PLAA: variants seen among roughly 807,000 people sequenced by gnomAD.
PLAA encodes the protein phospholipase A2 activating protein.
PLAA carries 48 observed loss-of-function variants against 84.1 expected under a neutral mutation model. The ratio of observed to expected loss-of-function variants is 0.57; its 90% confidence interval spans 0.45 to 0.73. The LOEUF (loss-of-function observed/expected upper bound fraction) is 0.73. Ranked by LOEUF, PLAA falls within the 30% of genes least tolerant of loss-of-function variation. The probability of loss-of-function intolerance (pLI) is 0.00; values close to 1 mark genes in which losing one functional copy is unlikely to be tolerated. For synonymous variants in PLAA, 392 were observed against 336.6 expected (o/e 1.16, Z -1.80); for missense variants, 903 against 954.7 (o/e 0.95, Z 0.71).
Position 26,905,372 on chromosome 9 carries a change from C to A in PLAA, c.*139G>T. 3.0e-6 allele frequency: 2 copies of A among 667,246 alleles called. No individual in the cohort carries two copies. The highest frequency in any genetic ancestry group is 5.0e-6 in the Non-Finnish European group (2 of 403,010). The allele number at this position is 667,246 out of a possible 1,614,324, so 41.3% of individuals were successfully genotyped here. On this transcript the variant is annotated 3_prime_UTR_variant, in exon 14 of 14. Coordinates refer to ENST00000397292, the MANE Select transcript of PLAA (RefSeq NM_001031689.3). Reference sequence around the variant, plus strand: ...AGTGCAAAAATTTTATTTCTGTTTCCCCTCCCCACCACTTTACAAGATGTA... The same window carrying A: ...AGTGCAAAAATTTTATTTCTGTTTCACCTCCCCACCACTTTACAAGATGTA...
chr9:26,928,816 A>G (rs1052690943), intron 2 of PLAA, among the ~76,000 whole-genome samples: 4 of 152,264 alleles, frequency 2.6e-5, no homozygotes, highest in Admixed American at 2.0e-4. Context: ...TAAAACCTGC[A>G]GCCAAGCTCA....
intron 1 of PLAA, among the ~76,000 whole-genome samples, chr9:26,943,919 A>ATTCC (rs1473190385): frequency 6.6e-6 from 1 of 152,230 alleles, no homozygotes; most frequent in Non-Finnish European, 1.5e-5. Context: ...ATGCCATTGC[A>ATTCC]TTCCAGCCTG....
In PLAA at chr9:26,910,189, T is replaced by C; in HGVS notation, c.1657+149A>G. 1.2e-5 allele frequency: 7 copies of C among 564,268 alleles called. No homozygotes were observed. The South Asian group carries it at 1.6e-4, about 13-fold the overall frequency. 35.0% of individuals were successfully genotyped at this position (564,268 alleles called of 1,614,324 possible). On this transcript the variant is annotated intron_variant, in intron 12 of 13. Transcript: ENST00000397292. ...ATGGATCCTTTACCAGACTGTATAT[T>C]TGTGGTGGACACAGTTGTTTAATAC...
chr9:26,947,019 C>T lies in PLAA; in HGVS notation c.27G>A (p.Arg9=). MTSGATRY[R]LSCSLRGHEL... is the part of the protein sequence containing the mutation. ...CGTGGCCCCGGAGCGAGCAGCTCAG[C>T]CGGTACCTGGTTGCGCCGCTCGTCA... Residue 9 remains arginine (R), a synonymous_variant, in exon 1 of 14, where the codon CGG becomes CGA. Transcript: ENST00000397292. 3 of 1,590,772 alleles carry T rather than the reference C, an allele frequency of 1.9e-6. No individual in the cohort carries two copies. Among genetic ancestry groups the T allele is most frequent in the Non-Finnish European group, 2.6e-6 (3 of 1,169,376 alleles).
intron 1 of PLAA, among the ~76,000 whole-genome samples, chr9:26,946,432 A>C (rs1325154356): frequency 6.6e-6 from 1 of 151,986 alleles, no homozygotes. Flanking sequence ...CTGGACGAAA[A>C]GAGGATTCAC....
rs1825052275 is a variant in PLAA, at chr9:26,928,403, T to C, written c.349A>G (p.Ser117Gly). 1.3e-6 allele frequency: 2 copies of C among 1,597,492 alleles called. No individual in the cohort carries two copies. Among genetic ancestry groups the C allele is most frequent in the South Asian group, 2.2e-5 (2 of 90,740 alleles). Residue 117 changes from serine (S) to glycine (G), a missense_variant, in exon 3 of 14, where the codon AGT (serine) becomes GGT (glycine). Coordinates refer to ENST00000397292, the MANE Select transcript of PLAA (RefSeq NM_001031689.3). The part of the protein sequence containing the change: ...ILKGHKNTVC[S>G]LSSGKFGTLL... ...GTCCCAAATTTTCCAGATGATAGAC[T>C]ACAAACTAAGGAAAAAACATCATTG...
chr9:26,924,223 C>A (rs999369015), intron 6 of PLAA, among the ~76,000 whole-genome samples: 2 of 152,094 alleles, frequency 1.3e-5, no homozygotes, highest in African/African-American at 4.8e-5. Context: ...CTCAAATTCC[C>A]GGGCCCAAGC....
Position 26,917,095 on chromosome 9 carries a change from A to G in PLAA, c.1486+2T>C, listed in dbSNP as rs2131375842. 2.5e-6 allele frequency: 4 copies of G among 1,612,660 alleles called. No homozygotes were observed. Among genetic ancestry groups the G allele is most frequent in the Non-Finnish European group, 3.4e-6 (4 of 1,178,786 alleles). On this transcript the variant is annotated splice_donor_variant, in intron 10 of 13. Coordinates refer to ENST00000397292, the MANE Select transcript of PLAA (RefSeq NM_001031689.3). LOFTEE classifies it high-confidence loss of function. ...GATACATGAATCAAAACTACATCCC[A>G]CCTGTAAAAGGATCTGCTGTGGGTA... is the stretch of plus-strand genomic sequence containing the variant.
At chr9:26,925,564 G>C (rs1205025477) in intron 6 of PLAA, among the ~76,000 whole-genome samples, 1 of 152,092 alleles carries the variant, frequency 6.6e-6, no homozygotes, top group Non-Finnish European at 1.5e-5. Flanking sequence ...TTCTTTTGTA[G>C]TCAATATCTT....
intron 2 of PLAA, 36 bp downstream of exon 2, chr9:26,934,977 T>G (rs181293711): frequency 1.3e-5 from 19 of 1,419,840 alleles, no homozygotes; most frequent in Non-Finnish European, 1.7e-5. Flanking sequence ...GGATAAAACT[T>G]CAAATAGAAA....
At chr9:26,930,175 G>A (rs1462570822) in intron 2 of PLAA, among the ~76,000 whole-genome samples, 1 of 151,128 alleles carries the variant, frequency 6.6e-6, no homozygotes, top group Non-Finnish European at 1.5e-5. Context: ...TGTGATCTCG[G>A]CTCACCGCAA....
rs1824174608 is a variant in PLAA at position 26,904,706 on chromosome 9, T to A, written c.*805A>T. On this transcript the variant is annotated 3_prime_UTR_variant, in exon 14 of 14. Transcript: ENST00000397292. ...TTTCAAATAATACAGTTTGATGTACTCTTGCTTATGTAACCACCTGATAAA... is the reference window on the plus strand; with the variant it reads ...TTTCAAATAATACAGTTTGATGTACACTTGCTTATGTAACCACCTGATAAA... 1 of 152,226 alleles carries A rather than the reference T, an allele frequency of 6.6e-6. No homozygotes were observed. The highest frequency in any genetic ancestry group is 1.5e-5 in the Non-Finnish European group (1 of 68,020). 9.4% of individuals were successfully genotyped at this position (152,226 alleles called of 1,614,324 possible). A position where few individuals can be genotyped will look rare whatever the true frequency, so the allele number is the denominator to read the frequency against.
At chr9:26,946,793 T>TG (rs2131441235) in intron 1 of PLAA, 104 bp downstream of exon 1, 3 of 1,300,426 alleles carry the variant, frequency 2.3e-6, no homozygotes, top group Non-Finnish European at 3.1e-6. Context: ...GAGGGAAGGC[T>TG]GGGGGGAGAG....
At chr9:26,932,399 G>C (rs1825216136) in intron 2 of PLAA, among the ~76,000 whole-genome samples, 1 of 152,266 alleles carries the variant, frequency 6.6e-6, no homozygotes, top group African/African-American at 2.4e-5. Flanking sequence ...AACAATCAAA[G>C]GCAATCTTCT....
At chr9:26,932,762 A>C (rs568561069) in intron 2 of PLAA, among the ~76,000 whole-genome samples, 1 of 152,356 alleles carries the variant, frequency 6.6e-6, no homozygotes, top group South Asian at 2.1e-4. Flanking sequence ...TCTATATAAA[A>C]TTTTAAAAAT....
At chr9:26,922,039 G>A (rs1244505804) in intron 7 of PLAA, among the ~76,000 whole-genome samples, 1 of 152,106 alleles carries the variant, frequency 6.6e-6, no homozygotes, top group Non-Finnish European at 1.5e-5. Flanking sequence ...AATAACCGTA[G>A]TCATTCTTTC....
intron 7 of PLAA, 112 bp from the exon 8 acceptor site, chr9:26,920,496 G>A: frequency 1.7e-6 from 1 of 592,316 alleles, no homozygotes; most frequent in Non-Finnish European, 2.7e-6. Flanking sequence ...TATGGATTTT[G>A]TTTCAAAATA....
intron 1 of PLAA, among the ~76,000 whole-genome samples, chr9:26,943,720 G>C (rs1825608665): frequency 6.6e-6 from 1 of 152,106 alleles, no homozygotes; most frequent in Non-Finnish European, 1.5e-5. Context: ...GCTGAGGCAG[G>C]AGGATTGCTT....
intron 2 of PLAA, among the ~76,000 whole-genome samples, chr9:26,929,874 C>T (rs543211532): frequency 6.6e-6 from 1 of 152,264 alleles, no homozygotes; most frequent in East Asian, 1.9e-4. Flanking sequence ...AGAAAGCATG[C>T]TGTGGTAACT....
Sources: gnomAD v4.1 joint callset for allele counts (sites outside exome capture counted in the v4.1 genomes callset) on GRCh38, gnomAD v4.1.1 for gene constraint, MANE v1.5 for transcripts, NCBI Gene and HGNC (gene_info 2026-07-23, HGNC 2026-07-21) for gene names.